Variants in RBFOX2 observed in about 807,000 individuals in gnomAD.
The protein encoded by RBFOX2 is RNA binding fox-1 homolog 2.
In RBFOX2, 10 loss-of-function variants were observed where a neutral mutation model predicts 49.1. The observed-to-expected ratio is 0.20, with a 90% confidence interval of 0.13 to 0.35. The LOEUF is 0.35. Ranked by LOEUF, RBFOX2 falls within the 10% of genes least tolerant of loss-of-function variation. RBFOX2 has a pLI of 1.00. For synonymous variants in RBFOX2, 183 were observed against 187.4 expected (o/e 0.98, Z 0.19); for missense variants, 323 against 486.9 (o/e 0.66, Z 3.17).
exon 12 of RBFOX2, chr22:35,740,492 G>C (rs963012288): frequency 6.6e-6 from 1 of 152,452 alleles, no homozygotes; most frequent in Non-Finnish European, 1.5e-5. Context: ...GTGCAAACAG[G>C]TAACTTATGC....
At chr22:35,838,900 T>C (rs1958190083) in intron 1 of RBFOX2, among the ~76,000 whole-genome samples, 1 of 152,244 alleles carries the variant, frequency 6.6e-6, no homozygotes, top group African/African-American at 2.4e-5. Context: ...AAAATATCCC[T>C]ACAGGTTTCC....
At chr22:35,884,000 C>CTTTTT (rs34644201) in intron 1 of RBFOX2, among the ~76,000 whole-genome samples, 28 of 62,672 alleles carry the variant, frequency 4.5e-4, no homozygotes, top group Non-Finnish European at 5.3e-4. Flanking sequence ...GTAGTTATCT[C>CTTTTT]TTTTTTTTTT....
In RBFOX2 at chr22:35,759,847, C is replaced by T. The variant is rs147099265; in HGVS notation, c.887+41G>A. The T allele has an allele frequency of 1.5e-4, 243 of 1,607,208 alleles. 2 individuals are homozygous for T. In the East Asian group the frequency reaches 5.3e-3, roughly 35 times the overall value. Reference sequence around the variant, plus strand: ...ATGGTATTCTTTTTTGGTCCAACTGCTTATTTTAGAAACATACTGATTTTG... The same window carrying T: ...ATGGTATTCTTTTTTGGTCCAACTGTTTATTTTAGAAACATACTGATTTTG... On this transcript the variant is annotated intron_variant, in intron 9 of 11. Coordinates refer to ENST00000405409, the Ensembl canonical transcript of RBFOX2. This position sits in a 1 kb window ranked among gnomAD's most constrained non-coding sequence, Gnocchi z 4.6.
intron 1 of RBFOX2, among the ~76,000 whole-genome samples, chr22:35,949,450 G>A (rs1275327003): frequency 6.6e-6 from 1 of 152,170 alleles, no homozygotes; most frequent in Non-Finnish European, 1.5e-5. Flanking sequence ...TTTGCACAGT[G>A]ACAATATTTA....
At chr22:35,944,728 T>A (rs1386568355) in intron 1 of RBFOX2, among the ~76,000 whole-genome samples, 1 of 152,050 alleles carries the variant, frequency 6.6e-6, no homozygotes, top group Non-Finnish European at 1.5e-5. Flanking sequence ...GAGTTGGCTA[T>A]GAGCAGAGTG....
At chr22:35,955,104 ATTTG>A (rs1226287781) in intron 1 of RBFOX2, among the ~76,000 whole-genome samples, 1 of 152,208 alleles carries the variant, frequency 6.6e-6, no homozygotes, top group Admixed American at 6.5e-5. Context: ...CGCTCTTTCA[ATTTG>A]TGGGTCAAGA....
At chr22:35,885,494 G>C (rs2046439620) in intron 1 of RBFOX2, among the ~76,000 whole-genome samples, 1 of 152,140 alleles carries the variant, frequency 6.6e-6, no homozygotes, top group African/African-American at 2.4e-5. Flanking sequence ...CTAATCATAT[G>C]GCAGGCTAAT....
chr22:35,747,615 A>G (rs1933235538), intron 9 of RBFOX2: 1 of 152,246 alleles, frequency 6.6e-6, no homozygotes, highest in Admixed American at 6.5e-5. Context: ...GGATATTTTT[A>G]AAAGTGGCAA....
chr22:35,778,151 G>A (rs1317717897), intron 3 of RBFOX2, 73 bp from the exon 5 acceptor site: 1 of 1,233,010 alleles, frequency 8.1e-7, no homozygotes, highest in Non-Finnish European at 1.2e-6. Context: ...CTTCTGAAAT[G>A]GGAATAGTTT....
At chr22:35,746,483 A>AAGCGGCTGC (rs749060025) in exon 10 of RBFOX2, 14 of 1,603,246 alleles carry the variant, frequency 8.7e-6, no homozygotes, top group Admixed American at 1.7e-5. Context: ...CCGTCACTGT[A>AAGCGGCTGC]AGCGGCTGCA....
At chr22:35,758,862 G>T (rs1937682336) in intron 9 of RBFOX2, among the ~76,000 whole-genome samples, 1 of 152,110 alleles carries the variant, frequency 6.6e-6, no homozygotes, top group African/African-American at 2.4e-5. Context: ...ACACCTCAAG[G>T]CTAAGCCAAT....
chr22:35,770,006 T>TTAATA (rs1356611063), intron 4 of RBFOX2, among the ~76,000 whole-genome samples: 30 of 152,254 alleles, frequency 2.0e-4, no homozygotes, highest in South Asian at 1.0e-3. Context: ...GTTAATACTC[T>TTAATA]CCTAAAGAAT....
At chr22:35,982,147 G>T (rs916625412) in intron 1 of RBFOX2, among the ~76,000 whole-genome samples, 1 of 152,052 alleles carries the variant, frequency 6.6e-6, no homozygotes, top group Admixed American at 6.6e-5. Flanking sequence ...AATTCCAGGG[G>T]AATAGATAAT....
intron 1 of RBFOX2, among the ~76,000 whole-genome samples, chr22:35,930,535 ACTG>A (rs2052268461): frequency 6.6e-6 from 1 of 151,900 alleles, no homozygotes; most frequent in African/African-American, 2.4e-5. Context: ...GGTCTATAAA[ACTG>A]CTAATTTCTG....
chr22:35,884,143 C>T (rs774470880), intron 1 of RBFOX2, among the ~76,000 whole-genome samples: 4 of 151,508 alleles, frequency 2.6e-5, no homozygotes, highest in African/African-American at 7.3e-5. Context: ...ACTACAGGCA[C>T]GCACCACCTT....
chr22:35,936,309 T>C (rs1482777740), intron 1 of RBFOX2, among the ~76,000 whole-genome samples: 1 of 150,098 alleles, frequency 6.7e-6, no homozygotes, highest in Non-Finnish European at 1.5e-5. Context: ...CATTCCCCAG[T>C]TCCTCGATTT....
intron 2 of RBFOX2, among the ~76,000 whole-genome samples, chr22:35,804,045 C>T (rs1001953422): frequency 6.6e-6 from 1 of 152,080 alleles, no homozygotes; most frequent in East Asian, 1.9e-4. Context: ...TTTGGGAGGC[C>T]GAGGCAGGCA....
intron 1 of RBFOX2, among the ~76,000 whole-genome samples, chr22:35,972,078 G>A (rs2056908643): frequency 6.6e-6 from 1 of 151,872 alleles, no homozygotes. Flanking sequence ...AACAAGATGA[G>A]TCATATAAGA....
intron 1 of RBFOX2, among the ~76,000 whole-genome samples, chr22:35,887,121 T>C (rs1024645199): frequency 3.3e-5 from 5 of 152,230 alleles, no homozygotes; most frequent in Non-Finnish European, 5.9e-5. Flanking sequence ...ATATTCTGAT[T>C]TGAAACATGA....
Sources: gnomAD v4.1 joint callset for allele counts (sites outside exome capture counted in the v4.1 genomes callset) on GRCh38, gnomAD v4.1.1 for gene constraint, Gnocchi (gnomAD v3.1) non-coding constraint, MANE v1.5 for transcripts, NCBI Gene and HGNC (gene_info 2026-07-23, HGNC 2026-07-21) for gene names.